Variants in CIZ1 observed in about 807,000 individuals in gnomAD.
CIZ1 encodes the protein cip1-interacting zinc finger protein.
In CIZ1, 58 loss-of-function variants were observed where a neutral mutation model predicts 118.6. The observed-to-expected ratio is 0.49, with a 90% CI of 0.40 to 0.61. CIZ1 has a LOEUF of 0.61. Among genes scored for constraint, CIZ1 ranks in the 20% least tolerant of loss-of-function variants. The pLI is 0.00. For missense variants in CIZ1, 921 were observed against 1,115.9 expected, an observed-to-expected ratio of 0.83 and a Z score of 2.49; for synonymous variants, 448 against 443.4, an observed-to-expected ratio of 1.01 and a Z score of -0.13.
intron 5 of CIZ1, among the ~76,000 whole-genome samples, chr9:128,181,585 A>G (rs1831618383): frequency 6.6e-6 from 1 of 152,242 alleles, no homozygotes; most frequent in Admixed American, 6.5e-5. Flanking sequence ...CATAGTGAGA[A>G]GTGACCAGAA....
At chr9:128,188,889 C>G (rs1180521096) in intron 3 of CIZ1, among the ~76,000 whole-genome samples, 1 of 151,972 alleles carries the variant, frequency 6.6e-6, no homozygotes, top group Non-Finnish European at 1.5e-5. Context: ...ACCTCCACCT[C>G]CCAGGTTCAA....
intron 5 of CIZ1, among the ~76,000 whole-genome samples, chr9:128,184,286 T>C (rs1360156046): frequency 6.6e-6 from 1 of 152,078 alleles, no homozygotes; most frequent in Admixed American, 6.5e-5. Context: ...ATTGTGAAGA[T>C]TTTGTAGTTT....
Position 128,185,768 on chromosome 9 carries a change from G to T in CIZ1, c.367C>A (p.Arg123=), listed in dbSNP as rs1355811714. 3 of 1,612,726 alleles carry T rather than the reference G, an allele frequency of 1.9e-6. No individual in the cohort carries two copies. The highest frequency in any genetic ancestry group is 4.5e-5 in the East Asian group (2 of 44,888). ...TMPTATLGNL[R]GYGMASPGLA... is the part of the protein sequence containing the mutation. ...CCTGGGGATGCCATGCCATAGCCTC[G>T]GAGGTTACCTGCAGGCAAGAAGACA... is the stretch of plus-strand genomic sequence containing the variant. Residue 123 remains arginine, a synonymous_variant, in exon 5 of 17, where the codon CGA becomes AGA. Transcript: ENST00000372938.
chr9:128,178,353 C>A lies in CIZ1; in HGVS notation c.1620+16G>T. The A allele has an allele frequency of 6.2e-7, 1 of 1,609,090 alleles. No homozygotes were observed. The highest frequency in any genetic ancestry group is 8.5e-7 in the Non-Finnish European group (1 of 1,177,888). ...CTCTGTGGCCCTCACACTGCCACAT[C>A]AGGGCCTCTACCCACCCCTGGCATC... On this transcript the variant is annotated intron_variant, in intron 9 of 16. Coordinates refer to ENST00000372938, the MANE Select transcript of CIZ1 (RefSeq NM_001131016.2).
chr9:128,190,559 G>A (rs1407964743), intron 2 of CIZ1, 115 bp from the exon 3 acceptor site: 1 of 1,374,272 alleles, frequency 7.3e-7, no homozygotes, highest in Non-Finnish European at 1.0e-6. Context: ...AGGACCCCTT[G>A]GGGCTGGAAT....
intron 5 of CIZ1, among the ~76,000 whole-genome samples, chr9:128,184,561 T>C (rs1371088835): frequency 6.8e-6 from 1 of 147,668 alleles, no homozygotes; most frequent in African/African-American, 2.5e-5. Context: ...AGTGTGATCA[T>C]AATTCACTGC....
rs1285512165 is a variant in CIZ1, at chr9:128,180,764, C to G, written c.639G>C (p.Glu213Asp). Residue 213 changes from glutamate (E) to aspartate (D), a missense_variant, in exon 6 of 17, where the codon GAG (glutamate) becomes GAC (aspartate). Glu to Asp is a conservative substitution (Grantham distance 45). Transcript: ENST00000372938. The stretch of plus-strand genomic sequence containing the variant: ...GGGGCTCTGCGGCTTCCTCAGACCC[C>G]TCTGGGGGGTCTGACTTGTCTTCCA... ...MPVEDKSDPP[E>D]GSEEAAEPRM... 3.7e-6 allele frequency: 6 copies of G among 1,611,568 alleles called. No individual in the cohort carries two copies. In the Admixed American group the frequency reaches 1.0e-4, roughly 27 times the overall value.
chr9:128,194,967 G>C (rs1833341653), upstream of CIZ1, among the ~76,000 whole-genome samples: 1 of 152,074 alleles, frequency 6.6e-6, no homozygotes, highest in Non-Finnish European at 1.5e-5. Context: ...ACAAGTCCAT[G>C]CCACCACGCC....
chr9:128,169,547 T>C, intron 12 of CIZ1, 28 bp from the exon 13 acceptor site: 1 of 1,610,816 alleles, frequency 6.2e-7, no homozygotes, highest in Non-Finnish European at 8.5e-7. Flanking sequence ...AACCAAGCAG[T>C]GTCCCCAGCT....
rs2130976025 is a variant in CIZ1 at position 128,182,187 on chromosome 9, A to G, written c.589-1373T>C. Among the ~76,000 whole-genome samples, 2 of 152,220 alleles carry G rather than the reference A, an allele frequency of 1.3e-5. 1 individual carries two copies. The highest frequency in any genetic ancestry group is 4.8e-5 in the African/African-American group (2 of 41,542). On this transcript the variant is annotated intron_variant, in intron 5 of 16. Coordinates refer to ENST00000372938, the MANE Select transcript of CIZ1 (RefSeq NM_001131016.2). The stretch of plus-strand genomic sequence containing the variant: ...TTCTGCCTTGTATCCAATAAATAAC[A>G]GCGCAGCCCGACATTCGGGGCCACT...
rs1464392019 is a variant in CIZ1 at position 128,178,781 on chromosome 9, G to A, written c.1426C>T (p.Pro476Ser). The A allele has an allele frequency of 6.2e-7, 1 of 1,614,266 alleles. No individual in the cohort carries two copies. Among genetic ancestry groups the A allele is most frequent in the Non-Finnish European group, 8.5e-7 (1 of 1,180,048 alleles). Residue 476 changes from proline (P) to serine (S), a missense_variant, in exon 8 of 17, where the codon CCA becomes TCA. By Grantham distance (74) the Pro-to-Ser change is moderately conservative. Transcript: ENST00000372938. ...HTQPQVSLLA[P>S]EQTPVVVHVC... Reference sequence around the variant, plus strand: ...TGAACCACAACTGGTGTTTGCTCTGGAGCCAGCAACGACACCTGCGGCTGG... The same window carrying A: ...TGAACCACAACTGGTGTTTGCTCTGAAGCCAGCAACGACACCTGCGGCTGG...
upstream of CIZ1, among the ~76,000 whole-genome samples, chr9:128,192,238 C>T (rs540359429): frequency 3.6e-4 from 54 of 151,958 alleles, no homozygotes; most frequent in African/African-American, 1.3e-3. Flanking sequence ...AGGGTGGTGG[C>T]GGGCGTCTGT....
chr9:128,180,869 C>T (rs1178469260), intron 5 of CIZ1, 55 bp from the exon 6 acceptor site: 12 of 1,346,116 alleles, frequency 8.9e-6, no homozygotes, highest in Non-Finnish European at 1.3e-5. Flanking sequence ...ATCAATACCC[C>T]CTTGCCCAAG....
Position 128,166,640 on chromosome 9 carries a change from G to T in CIZ1, c.2487+119C>A. 1 of 1,311,822 alleles carries T rather than the reference G, an allele frequency of 7.6e-7. No individual in the cohort carries two copies. 81.3% of individuals were successfully genotyped at this position (1,311,822 alleles called of 1,614,324 possible). A position where few individuals can be genotyped will look rare whatever the true frequency, so the allele number is the denominator to read the frequency against. On this transcript the variant is annotated intron_variant, in intron 16 of 16. Coordinates refer to ENST00000372938, the MANE Select transcript of CIZ1 (RefSeq NM_001131016.2). This position sits in a 1 kb window ranked among gnomAD's most constrained non-coding sequence, Gnocchi z 4.4. The stretch of plus-strand genomic sequence containing the variant: ...TCTAATTCTCTCCCTGTTGGTGCAG[G>T]GGTGGTGCCTGGGGATTGAGGCCCT...
At chr9:128,199,818 C>G (rs1042944155) in intron 1 of CIZ1, 1 of 135,808 alleles carries the variant, frequency 7.4e-6, no homozygotes, top group Admixed American at 8.6e-5. Flanking sequence ...GAGTCTTGCT[C>G]TGTCACCCAG....
upstream of CIZ1, among the ~76,000 whole-genome samples, chr9:128,196,502 C>G (rs1012536041): frequency 2.0e-5 from 3 of 150,916 alleles, no homozygotes; most frequent in African/African-American, 4.9e-5. Context: ...GAGCCACGAT[C>G]GTGCCACTGC....
chr9:128,185,912 A>C, intron 4 of CIZ1, 136 bp from the exon 5 acceptor site: 1 of 699,568 alleles, frequency 1.4e-6, no homozygotes, highest in Non-Finnish European at 2.5e-6. Context: ...AAGGGCAGCC[A>C]AAGGGAAGAG....
At position 128,187,914 on chromosome 9, in the gene CIZ1, G is replaced by A; in HGVS notation, c.307C>T (p.Pro103Ser). ...QLQGLDQFAMPPATYDTAGLT... is the reference protein window; with the variant it reads ...QLQGLDQFAMSPATYDTAGLT... ...CCGGCAGTGTCATACGTGGCTGGTG[G>A]CATTGCAAACTGGTCCAGTCCTTTA... The change falls in exon 4 of 17, where the codon CCA (proline) becomes TCA (serine). Residue 103 changes from proline (P) to serine (S), a missense_variant. By Grantham distance (74) the Pro-to-Ser change is moderately conservative (BLOSUM62 -1). Transcript: ENST00000372938. 1 of 757,228 alleles carries A rather than the reference G, an allele frequency of 1.3e-6. No homozygotes were observed. The allele number at this position is 757,228 out of a possible 1,614,324, so 46.9% of individuals were successfully genotyped here.
upstream of CIZ1, among the ~76,000 whole-genome samples, chr9:128,195,395 G>A (rs971076153): frequency 5.9e-5 from 9 of 152,144 alleles, no homozygotes; most frequent in Admixed American, 3.3e-4. Flanking sequence ...TCAGCTCACT[G>A]CAGTCTCTGC....
Sources: gnomAD v4.1 joint callset for allele counts (sites outside exome capture counted in the v4.1 genomes callset) on GRCh38, gnomAD v4.1.1 for gene constraint, Gnocchi (gnomAD v3.1) non-coding constraint, MANE v1.5 for transcripts, NCBI Gene and HGNC (gene_info 2026-07-23, HGNC 2026-07-21) for gene names.